Variants in PEX26 observed in about 807,000 individuals in gnomAD.
The protein encoded by PEX26 is peroxisomal biogenesis factor 26.
In PEX26, 18 loss-of-function variants were observed where a neutral mutation model predicts 31.4. That is an observed-to-expected ratio of 0.57 (90% confidence interval 0.40 to 0.85). The LOEUF is 0.85. Among genes scored for constraint, PEX26 ranks in the 40% least tolerant of loss-of-function variants. The pLI, the probability that PEX26 is intolerant of heterozygous loss-of-function variation, is 0.00. For synonymous variants in PEX26, 176 were observed against 166.9 expected (o/e 1.05, Z -0.42); for missense variants, 377 against 383.9 (o/e 0.98, Z 0.15).
At chr22:18,080,044 G>A (rs375992338) in intron 2 of PEX26, 30 bp downstream of exon 2, 58 of 1,613,062 alleles carry the variant, frequency 3.6e-5, no homozygotes, top group East Asian at 8.9e-5. Flanking sequence ...TCATCAGATC[G>A]GTTCAGAAAC....
At chr22:18,082,390 G>A (rs1012254221) in intron 2 of PEX26, among the ~76,000 whole-genome samples, 17 of 152,162 alleles carry the variant, frequency 1.1e-4, no homozygotes, top group Non-Finnish European at 2.2e-4. Context: ...ATTTTTGTAT[G>A]TGGGGAAAGG....
At position 18,094,198 on chromosome 22, in the gene PEX26, A is replaced by T. The variant is rs1927219074; in HGVS notation, c.*6123A>T. 7.0e-6 allele frequency: 1 copy of T among 143,020 alleles called. No homozygotes were observed. The highest frequency in any genetic ancestry group is 7.5e-5 in the Admixed American group (1 of 13,422). The allele number at this position is 143,020 out of a possible 1,614,324, so 8.9% of individuals were successfully genotyped here. ...AGAAATGAAAGCACTTTTGTAGAAG[A>T]GTGTCATTTCAGAAAAAAGCCTTTT... On this transcript the variant is annotated 3_prime_UTR_variant, in exon 5 of 5. Coordinates refer to ENST00000399744, the MANE Select transcript of PEX26 (RefSeq NM_001127649.3).
intron 1 of PEX26, chr22:18,078,900 G>A (rs1926428034): frequency 1.8e-6 from 1 of 567,984 alleles, no homozygotes. Flanking sequence ...CTGTCAGTAA[G>A]CAGGTGGTAA....
At chr22:18,079,736 G>A in intron 1 of PEX26, 138 bp from the exon 2 acceptor site, 2 of 977,664 alleles carry the variant, frequency 2.0e-6, no homozygotes, top group East Asian at 2.4e-5. Flanking sequence ...CAATTGTGAA[G>A]CCCATCTAAA....
chr22:18,084,829 T>A (rs1333995675), intron 3 of PEX26, among the ~76,000 whole-genome samples: 1 of 151,928 alleles, frequency 6.6e-6, no homozygotes, highest in East Asian at 1.9e-4. Flanking sequence ...TTCAAGTGAT[T>A]CTCGTGCCTC....
intron 4 of PEX26, among the ~76,000 whole-genome samples, chr22:18,087,151 T>C (rs1488384555): frequency 6.6e-6 from 1 of 152,182 alleles, no homozygotes; most frequent in Non-Finnish European, 1.5e-5. Flanking sequence ...CTCGGCTTAC[T>C]GCAACCTCCG....
rs570475727 is a variant in PEX26, at chr22:18,100,937, C to A, written c.*12862C>A. 2.0e-5 allele frequency: 3 copies of A among 152,252 alleles called. No homozygotes were observed. Among genetic ancestry groups the A allele is most frequent in the South Asian group, 4.1e-4 (2 of 4,820 alleles). 9.4% of individuals were successfully genotyped at this position (152,252 alleles called of 1,614,324 possible). A position where few individuals can be genotyped will look rare whatever the true frequency, so the allele number is the denominator to read the frequency against. Reference sequence around the variant, plus strand: ...TAGCTTTTAGTCTATTTCCAGCACACGGCCTACACTCACTGGTACCCCATA... The same window carrying A: ...TAGCTTTTAGTCTATTTCCAGCACAAGGCCTACACTCACTGGTACCCCATA... On this transcript the variant is annotated 3_prime_UTR_variant, in exon 5 of 5. Coordinates refer to ENST00000399744, the MANE Select transcript of PEX26 (RefSeq NM_001127649.3).
chr22:18,083,410 T>G, intron 2 of PEX26, 27 bp from the exon 3 acceptor site: 1 of 1,611,816 alleles, frequency 6.2e-7, no homozygotes, highest in Non-Finnish European at 8.5e-7. Context: ...CTTCTTTTGT[T>G]GGGATTGGGT....
At chr22:18,083,894 A>G (rs530799092) in intron 3 of PEX26, among the ~76,000 whole-genome samples, 162 bp downstream of exon 3, 2 of 152,354 alleles carry the variant, frequency 1.3e-5, no homozygotes, top group African/African-American at 2.4e-5. Context: ...CACAAAGTGA[A>G]GGCCAGACCC....
Position 18,085,686 on chromosome 22 carries a change from T to C in PEX26, c.814+428T>C, listed in dbSNP as rs1926814149. On this transcript the variant is annotated intron_variant, in intron 4 of 4. Coordinates refer to ENST00000399744, the MANE Select transcript of PEX26 (RefSeq NM_001127649.3). Reference sequence around the variant, plus strand: ...GAAATCGAGACCAGCCTGGCCAACATGGTAAAGCCCCATCTCTACTAAAGA... The same window carrying C: ...GAAATCGAGACCAGCCTGGCCAACACGGTAAAGCCCCATCTCTACTAAAGA... Among the ~76,000 whole-genome samples the C allele has an allele frequency of 2.0e-5, 3 of 151,816 alleles. No individual in the cohort carries two copies. The South Asian group carries it at 6.2e-4, about 32-fold the overall frequency.
chr22:18,099,375 A>T lies in PEX26; in HGVS notation c.*11300A>T, dbSNP rs921495173. ...ACGTAGGATGACTGGACCTCTTTCC[A>T]GGTTCGTGTTAACAGTCCATACTAC... On this transcript the variant is annotated 3_prime_UTR_variant, in exon 5 of 5. Coordinates refer to ENST00000399744, the MANE Select transcript of PEX26 (RefSeq NM_001127649.3). The T allele has an allele frequency of 6.6e-6, 1 of 152,200 alleles. No homozygotes were observed. The highest frequency in any genetic ancestry group is 1.5e-5 in the Non-Finnish European group (1 of 68,018). 9.4% of individuals were successfully genotyped at this position (152,200 alleles called of 1,614,324 possible). A position where few individuals can be genotyped will look rare whatever the true frequency, so the allele number is the denominator to read the frequency against.
Position 18,085,093 on chromosome 22 carries a change from G to T in PEX26, c.668-19G>T. 1 of 1,613,704 alleles carries T rather than the reference G, an allele frequency of 6.2e-7. No homozygotes were observed. ...ATTCCCATGACATCCCTGAAGCTGT[G>T]CTCTGTCTCCCTGGCCAGGCTCTGT... On this transcript the variant is annotated intron_variant, in intron 3 of 4. Coordinates refer to ENST00000399744, the MANE Select transcript of PEX26 (RefSeq NM_001127649.3).
In PEX26 at chr22:18,083,539, C is replaced by T. The variant is rs751145598; in HGVS notation, c.474C>T (p.Ala158=). The T allele has an allele frequency of 1.2e-6, 2 of 1,614,124 alleles. No individual in the cohort carries two copies. Among genetic ancestry groups the T allele is most frequent in the South Asian group, 2.2e-5 (2 of 91,080 alleles). The change falls in exon 3 of 5, where the codon GCC becomes GCT. Residue 158 remains alanine (A), a synonymous_variant. Transcript: ENST00000399744. ...ATCAAAACCTTCCAGAATATGGAGC[C>T]TTGGCAGAATTTCACGTGCAGCGGG... is the stretch of plus-strand genomic sequence containing the variant. ...PANQNLPEYG[A]LAEFHVQRVL... is the part of the protein sequence containing the mutation.
Position 18,098,790 on chromosome 22 carries a change from CAT to C in PEX26, c.*10718_*10719del, listed in dbSNP as rs1178199417. On this transcript the variant is annotated 3_prime_UTR_variant, in exon 5 of 5. Transcript: ENST00000399744. ...GACATATATATATAATATATATACA[CAT>C]ATGCAATGGAGTAATGAAAATACTA... is the stretch of plus-strand genomic sequence containing the variant. 1.1e-4 allele frequency: 16 copies of C among 151,224 alleles called. No individual in the cohort carries two copies. Among genetic ancestry groups the C allele is most frequent in the South Asian group, 8.4e-4 (4 of 4,776 alleles). 9.4% of individuals were successfully genotyped at this position (151,224 alleles called of 1,614,324 possible).
At position 18,095,963 on chromosome 22, in the gene PEX26, C is replaced by T. The variant is rs556749646; in HGVS notation, c.*7888C>T. 1.4e-4 allele frequency: 21 copies of T among 152,314 alleles called. 1 individual carries two copies. The East Asian group carries it at 3.9e-3, about 28-fold the overall frequency. The allele number at this position is 152,314 out of a possible 1,614,324, so 9.4% of individuals were successfully genotyped here. On this transcript the variant is annotated 3_prime_UTR_variant, in exon 5 of 5. Coordinates refer to ENST00000399744, the MANE Select transcript of PEX26 (RefSeq NM_001127649.3). ...TCAGCCTTCCGAGTAGCTGGAACTA[C>T]AGGCACACACTACCACGCCTGGCTA...
chr22:18,089,698 G>GT lies in PEX26; in HGVS notation c.*1626dup. 1 of 88,862 alleles carries GT rather than the reference G, an allele frequency of 1.1e-5. No homozygotes were observed. The highest frequency in any genetic ancestry group is 2.2e-5 in the Non-Finnish European group (1 of 46,360). The allele number at this position is 88,862 out of a possible 1,614,324, so 5.5% of individuals were successfully genotyped here. ...AAGGCAACAAGTTTTCTTTTGTTTT[G>GT]TTTGTTTGTTTGTTTGTTTGTTTTT... On this transcript the variant is annotated 3_prime_UTR_variant, in exon 5 of 5. Transcript: ENST00000399744.
Position 18,101,115 on chromosome 22 carries a change from TC to T in PEX26, c.*13042del, listed in dbSNP as rs1325220395. ...GAGGGTTCATCTATAAAAGTATTTTTCCAAAAATAATGCTTAAAAGAGACTT... is the reference window on the plus strand; with the variant it reads ...GAGGGTTCATCTATAAAAGTATTTTTCAAAAATAATGCTTAAAAGAGACTT... On this transcript the variant is annotated 3_prime_UTR_variant, in exon 5 of 5. Coordinates refer to ENST00000399744, the MANE Select transcript of PEX26 (RefSeq NM_001127649.3). 6.6e-6 allele frequency: 1 copy of T among 152,194 alleles called. No individual in the cohort carries two copies. Among genetic ancestry groups the T allele is most frequent in the Non-Finnish European group, 1.5e-5 (1 of 68,044 alleles). The allele number at this position is 152,194 out of a possible 1,614,324, so 9.4% of individuals were successfully genotyped here. A position where few individuals can be genotyped will look rare whatever the true frequency, so the allele number is the denominator to read the frequency against.
In PEX26 at chr22:18,104,952, G is replaced by A. The variant is rs886504584; in HGVS notation, c.*16877G>A. ...ATCTGAGACACATGGGTGAATGTAT[G>A]TAAGGTACTTGGGGCTAACCAAAGT... On this transcript the variant is annotated 3_prime_UTR_variant, in exon 5 of 5. Transcript: ENST00000399744. 2 of 152,204 alleles carry A rather than the reference G, an allele frequency of 1.3e-5. No individual in the cohort carries two copies. The highest frequency in any genetic ancestry group is 2.9e-5 in the Non-Finnish European group (2 of 68,050). 9.4% of individuals were successfully genotyped at this position (152,204 alleles called of 1,614,324 possible). A position where few individuals can be genotyped will look rare whatever the true frequency, so the allele number is the denominator to read the frequency against.
intron 3 of PEX26, among the ~76,000 whole-genome samples, chr22:18,084,839 C>G (rs1485275626): frequency 2.0e-5 from 3 of 151,846 alleles, no homozygotes; most frequent in Non-Finnish European, 2.9e-5. Flanking sequence ...TCTCGTGCCT[C>G]AGGCTCCCAA....
Sources: gnomAD v4.1 joint callset for allele counts (sites outside exome capture counted in the v4.1 genomes callset) on GRCh38, gnomAD v4.1.1 for gene constraint, MANE v1.5 for transcripts, NCBI Gene and HGNC (gene_info 2026-07-23, HGNC 2026-07-21) for gene names.